RAB1B: variants seen among roughly 807,000 people sequenced by gnomAD.
RAB1B encodes ras-related protein Rab-1B.
In RAB1B, 10 loss-of-function variants were observed where a neutral mutation model predicts 24.8. The observed-to-expected ratio is 0.40, with a 90% CI of 0.25 to 0.68. The LOEUF is 0.68. Among genes scored for constraint, RAB1B ranks in the 30% least tolerant of loss-of-function variants. RAB1B has a pLI of 0.37. For missense variants in RAB1B, 154 were observed against 271.2 expected (o/e 0.57, Z 3.04); for synonymous variants, 99 against 111.7 (o/e 0.89, Z 0.72).
intron 1 of RAB1B, 137 bp downstream of exon 1, chr11:66,268,830 CCACATCCGGGTTCTGCCCCT>C (rs1565180183): frequency 4.2e-6 from 4 of 945,262 alleles, no homozygotes; most frequent in African/African-American, 1.8e-5. Flanking sequence ...TGACCCCCCC[CCACATCCGGGTTCTGCCCCT>C]CCCCCCAGGG....
Position 66,271,828 on chromosome 11 carries a change from G to T in RAB1B, c.46G>T (p.Asp16Tyr). 1 of 1,614,036 alleles carries T rather than the reference G, an allele frequency of 6.2e-7. No homozygotes were observed. The highest frequency in any genetic ancestry group is 8.5e-7 in the Non-Finnish European group (1 of 1,179,992). ...DYLFKLLLIG[D>Y]SGVGKSCLLL... ...CCTGTTTAAGCTGCTTTTGATTGGC[G>T]ACTCAGGCGTGGGCAAGTCATGCCT... is the stretch of plus-strand genomic sequence containing the variant. Residue 16 changes from aspartate (D) to tyrosine (Y), a missense_variant, in exon 2 of 6, where the codon GAC (aspartate) becomes TAC (tyrosine). Asp to Tyr is a radical substitution (Grantham distance 160). Transcript: ENST00000311481.
At chr11:66,274,834 C>G (rs1242726693) in intron 4 of RAB1B, among the ~76,000 whole-genome samples, 2 of 150,790 alleles carry the variant, frequency 1.3e-5, no homozygotes, top group Non-Finnish European at 3.0e-5. Context: ...CTCCCATTCC[C>G]CAGACACACC....
In RAB1B at chr11:66,272,451, C is replaced by T; in HGVS notation, c.270C>T (p.Val90=). Residue 90 remains valine (V), a synonymous_variant, in exon 4 of 6, where the codon GTC becomes GTT. Coordinates refer to ENST00000311481, the MANE Select transcript of RAB1B (RefSeq NM_030981.3). ...GAHGIIVVYD[V]TDQESYANVK... ...ATGGCATCATCGTGGTGTATGACGT[C>T]ACTGACCAGGTACTCCTGGACTAGC... 1 of 1,589,738 alleles carries T rather than the reference C, an allele frequency of 6.3e-7. No individual in the cohort carries two copies. Among genetic ancestry groups the T allele is most frequent in the Non-Finnish European group, 8.6e-7 (1 of 1,165,990 alleles).
chr11:66,273,195 T>C (rs1353211459), intron 4 of RAB1B, among the ~76,000 whole-genome samples: 1 of 152,178 alleles, frequency 6.6e-6, no homozygotes, highest in Non-Finnish European at 1.5e-5. Flanking sequence ...TACCAAATGT[T>C]GTTGCTTAAC....
At chr11:66,274,915 TC>T (rs1458930747) in intron 4 of RAB1B, among the ~76,000 whole-genome samples, 2 of 151,934 alleles carry the variant, frequency 1.3e-5, no homozygotes, top group Non-Finnish European at 2.9e-5. Flanking sequence ...CAAGGCCAGT[TC>T]CCACCTGCAG....
In RAB1B at chr11:66,268,659, G is replaced by T. The variant is rs757539612; in HGVS notation, c.-21G>T. 6.4e-7 allele frequency: 1 copy of T among 1,561,998 alleles called. No individual in the cohort carries two copies. The highest frequency in any genetic ancestry group is 8.7e-7 in the Non-Finnish European group (1 of 1,155,708). On this transcript the variant is annotated 5_prime_UTR_variant, in exon 1 of 6. Transcript: ENST00000311481. ...GGAGCAGAGTCGACTGGGAGCGACCGAGCGGGCCGCCGCCGCCGCCATGAA... is the reference window on the plus strand; with the variant it reads ...GGAGCAGAGTCGACTGGGAGCGACCTAGCGGGCCGCCGCCGCCGCCATGAA...
chr11:66,269,364 C>T (rs1012476989), intron 1 of RAB1B, among the ~76,000 whole-genome samples: 3 of 152,220 alleles, frequency 2.0e-5, no homozygotes, highest in African/African-American at 7.2e-5. Context: ...GGCTGTCACA[C>T]TGCCTGTGAA....
Position 66,271,777 on chromosome 11 carries a change from T to A in RAB1B, c.15-20T>A. On this transcript the variant is annotated intron_variant, in intron 1 of 5. Coordinates refer to ENST00000311481, the MANE Select transcript of RAB1B (RefSeq NM_030981.3). ...TGGGCTCCCTGCCTCCCTTCACGCCTTCCCATCTTCTCTCTCCAGTGACTA... is the reference window on the plus strand; with the variant it reads ...TGGGCTCCCTGCCTCCCTTCACGCCATCCCATCTTCTCTCTCCAGTGACTA... The A allele has an allele frequency of 6.2e-7, 1 of 1,608,324 alleles. No homozygotes were observed. The highest frequency in any genetic ancestry group is 8.5e-7 in the Non-Finnish European group (1 of 1,174,748).
intron 1 of RAB1B, chr11:66,269,788 T>A (rs1354078799): frequency 6.6e-6 from 1 of 152,232 alleles, no homozygotes; most frequent in Non-Finnish European, 1.5e-5. Flanking sequence ...TTGTGAAGAT[T>A]AAATGAGATG....
chr11:66,275,007 C>T (rs1461139966), intron 4 of RAB1B, among the ~76,000 whole-genome samples: 1 of 152,008 alleles, frequency 6.6e-6, no homozygotes, highest in Non-Finnish European at 1.5e-5. Flanking sequence ...CTGTTTTGCC[C>T]TTGTGTGTGG....
At chr11:66,268,752 C>G (rs1856986526) in intron 1 of RAB1B, 59 bp downstream of exon 1, 5 of 1,503,934 alleles carry the variant, frequency 3.3e-6, no homozygotes, top group Middle Eastern at 3.4e-4. Flanking sequence ...CAGGGCTGTA[C>G]GCTTACCGGG....
Position 66,271,809 on chromosome 11 carries a change from T to G in RAB1B, c.27T>G (p.Phe9Leu). MNPEYDYL[F>L]KLLLIGDSGV... ...CTTCTCTCTCCAGTGACTACCTGTT[T>G]AAGCTGCTTTTGATTGGCGACTCAG... is the stretch of plus-strand genomic sequence containing the variant. Residue 9 changes from phenylalanine to leucine, a missense_variant, in exon 2 of 6, where the codon TTT (phenylalanine) becomes TTG (leucine). Phe to Leu is a conservative substitution (Grantham distance 22, BLOSUM62 0). Around this residue, in one of 2 missense-constraint regions of RAB1B, gnomAD observed 77 missense variants for 173.4 expected, o/e 0.44. Coordinates refer to ENST00000311481, the MANE Select transcript of RAB1B (RefSeq NM_030981.3). 1 of 1,614,072 alleles carries G rather than the reference T, an allele frequency of 6.2e-7. No individual in the cohort carries two copies. Among genetic ancestry groups the G allele is most frequent in the Non-Finnish European group, 8.5e-7 (1 of 1,179,964 alleles).
chr11:66,276,935 A>C lies in RAB1B; in HGVS notation c.*697A>C, dbSNP rs1294146526. 6.5e-6 allele frequency: 1 copy of C among 153,120 alleles called. No homozygotes were observed. The highest frequency in any genetic ancestry group is 2.4e-5 in the African/African-American group (1 of 41,440). The allele number at this position is 153,120 out of a possible 1,614,324, so 9.5% of individuals were successfully genotyped here. A position where few individuals can be genotyped will look rare whatever the true frequency, so the allele number is the denominator to read the frequency against. On this transcript the variant is annotated 3_prime_UTR_variant, in exon 6 of 6. Coordinates refer to ENST00000311481, the MANE Select transcript of RAB1B (RefSeq NM_030981.3). ...CCTCTGCCCTGCCAGAGACAGACCC[A>C]TGCGCTGCCTGCCCACCGTGCCCCT...
In RAB1B at chr11:66,276,017, C is replaced by T. The variant is rs756597590; in HGVS notation, c.412-27C>T. Reference sequence around the variant, plus strand: ...CTGCTCTCCCCTCCTCTTCTCTCCCCTCCTCTTCTCTCCTCTCCCTTGTCA... The same window carrying T: ...CTGCTCTCCCCTCCTCTTCTCTCCCTTCCTCTTCTCTCCTCTCCCTTGTCA... On this transcript the variant is annotated intron_variant, in intron 5 of 5. Coordinates refer to ENST00000311481, the MANE Select transcript of RAB1B (RefSeq NM_030981.3). 10 of 1,608,494 alleles carry T rather than the reference C, an allele frequency of 6.2e-6. No individual in the cohort carries two copies. The East Asian group carries it at 1.3e-4, about 22-fold the overall frequency.
chr11:66,273,137 G>A (rs560219765), intron 4 of RAB1B, among the ~76,000 whole-genome samples: 102 of 152,332 alleles, frequency 6.7e-4, no homozygotes, highest in Middle Eastern at 3.4e-3. Context: ...TAGTCCGGTG[G>A]CAGAGGCAGA....
Position 66,272,379 on chromosome 11 carries a change from C to T in RAB1B, c.198C>T (p.Gly66=). 6.2e-7 allele frequency: 1 copy of T among 1,611,322 alleles called. No individual in the cohort carries two copies. ...TIKLQIWDTA[G]QERFRTITSS... is the part of the protein sequence containing the mutation. ...CTGTCTCCTAGTGGGACACAGCGGG[C>T]CAGGAACGGTTCCGGACCATCACTT... The change falls in exon 4 of 6, where the codon GGC becomes GGT. Residue 66 remains glycine, a synonymous_variant. Coordinates refer to ENST00000311481, the MANE Select transcript of RAB1B (RefSeq NM_030981.3).
intron 4 of RAB1B, among the ~76,000 whole-genome samples, chr11:66,272,991 C>T (rs562775971): frequency 6.6e-6 from 1 of 152,340 alleles, no homozygotes; most frequent in Admixed American, 6.5e-5. Context: ...GAAATGGTTC[C>T]ATGAAACCTT....
intron 4 of RAB1B, among the ~76,000 whole-genome samples, chr11:66,275,270 T>C (rs959544122): frequency 1.3e-5 from 2 of 152,116 alleles, no homozygotes; most frequent in African/African-American, 4.8e-5. Flanking sequence ...TGAAGCCAAG[T>C]AATGAGGCTG....
At chr11:66,269,398 T>C (rs1291232046) in intron 1 of RAB1B, among the ~76,000 whole-genome samples, 1 of 152,196 alleles carries the variant, frequency 6.6e-6, no homozygotes, top group Non-Finnish European at 1.5e-5. Flanking sequence ...TGGAATTTGC[T>C]CTCCCCCTTC....
Sources: gnomAD v4.1 joint callset for allele counts (sites outside exome capture counted in the v4.1 genomes callset) on GRCh38, gnomAD v4.1.1 for gene constraint, gnomAD v4.1.1 regional missense constraint, MANE v1.5 for transcripts, NCBI Gene and HGNC (gene_info 2026-07-23, HGNC 2026-07-21) for gene names.